PCDHA9: variants seen among roughly 807,000 people sequenced by gnomAD.
The protein encoded by PCDHA9 is protocadherin alpha 9, also known as protocadherin alpha-9.
In PCDHA9, 62 loss-of-function variants were observed where a neutral mutation model predicts 62.0. The observed-to-expected ratio is 1.00, with a 90% CI of 0.81 to 1.23. The LOEUF is 1.23. Among genes scored for constraint, PCDHA9 ranks in the 50% most tolerant of loss-of-function variants. PCDHA9 has a pLI of 0.00. For missense variants in PCDHA9, 1,205 were observed against 1,249.8 expected, an observed-to-expected ratio of 0.96 and a Z score of 0.54; for synonymous variants, 557 against 567.6, an observed-to-expected ratio of 0.98 and a Z score of 0.27.
chr5:140,979,004 A>T lies in PCDHA9; in HGVS notation c.2450A>T (p.His817Leu). ...RYSASLRAGM[H>L]SSVHLEEAGI... Reference sequence around the variant, plus strand: ...TCTGCCTCCCTGAGAGCAGGCATGCACAGGTATGTATTTCCCTCCTCATTC... The same window carrying T: ...TCTGCCTCCCTGAGAGCAGGCATGCTCAGGTATGTATTTCCCTCCTCATTC... Residue 817 changes from histidine (H) to leucine (L), a missense_variant, in exon 2 of 4, where the codon CAC becomes CTC. His to Leu is a moderately conservative substitution (Grantham distance 99). Coordinates refer to ENST00000532602, the MANE Select transcript of PCDHA9 (RefSeq NM_031857.2). The T allele has an allele frequency of 6.2e-7, 1 of 1,614,144 alleles. No homozygotes were observed. Among genetic ancestry groups the T allele is most frequent in the South Asian group, 1.1e-5 (1 of 91,052 alleles).
rs183542590 is a variant in PCDHA9 at position 140,969,555 on chromosome 5, C to T, written c.2395-9394C>T. On this transcript the variant is annotated intron_variant, in intron 1 of 3. Coordinates refer to ENST00000532602, the MANE Select transcript of PCDHA9 (RefSeq NM_031857.2). ...CATTTTCAGAGGCATGAAGCCTTGT[C>T]CATAAAATTGTTTGAGAAGTGAGGA... The T allele has an allele frequency of 1.2e-5, 15 of 1,213,382 alleles. 1 individual carries two copies. The highest frequency in any genetic ancestry group is 1.7e-5 in the South Asian group (1 of 59,354). The allele number at this position is 1,213,382 out of a possible 1,614,324, so 75.2% of individuals were successfully genotyped here. A position where few individuals can be genotyped will look rare whatever the true frequency, so the allele number is the denominator to read the frequency against.
chr5:140,952,121 C>A (rs993598007), intron 1 of PCDHA9, among the ~76,000 whole-genome samples: 1 of 152,102 alleles, frequency 6.6e-6, no homozygotes, highest in Non-Finnish European at 1.5e-5. Context: ...GGGATGGGCT[C>A]CCAAGGCCTT....
At chr5:140,870,371 T>C (rs1419353241) in intron 1 of PCDHA9, 52 of 1,613,894 alleles carry the variant, frequency 3.2e-5, no homozygotes, top group Non-Finnish European at 4.2e-5. Flanking sequence ...TATGAACTGG[T>C]GGTGACTGCG....
At chr5:140,933,833 A>C (rs944428844) in intron 1 of PCDHA9, among the ~76,000 whole-genome samples, 1 of 151,928 alleles carries the variant, frequency 6.6e-6, no homozygotes, top group Non-Finnish European at 1.5e-5. Flanking sequence ...TATTGCTCCT[A>C]TTTCATTCCT....
At chr5:140,981,380 C>T (rs2096929731) in intron 2 of PCDHA9, among the ~76,000 whole-genome samples, 1 of 152,054 alleles carries the variant, frequency 6.6e-6, no homozygotes, top group Non-Finnish European at 1.5e-5. Flanking sequence ...TCAAGACCAG[C>T]CTGGTCAATA....
chr5:140,892,772 C>G (rs1053940130), intron 1 of PCDHA9, among the ~76,000 whole-genome samples: 1 of 152,144 alleles, frequency 6.6e-6, no homozygotes, highest in African/African-American at 2.4e-5. Context: ...ACTCTTCTAG[C>G]TTCTTGAAAA....
chr5:140,983,429 T>G (rs2097050099), intron 3 of PCDHA9, among the ~76,000 whole-genome samples: 1 of 152,214 alleles, frequency 6.6e-6, no homozygotes, highest in South Asian at 2.1e-4. Flanking sequence ...AGACCACAAA[T>G]TGTGTCTACT....
intron 1 of PCDHA9, among the ~76,000 whole-genome samples, chr5:140,918,436 A>T (rs2078697265): frequency 6.6e-6 from 1 of 152,092 alleles, no homozygotes; most frequent in Admixed American, 6.6e-5. Context: ...GTTGAATAGG[A>T]GTGGTGACAG....
chr5:140,902,201 T>C (rs1554190261), intron 1 of PCDHA9, among the ~76,000 whole-genome samples: 1 of 145,052 alleles, frequency 6.9e-6, no homozygotes. Flanking sequence ...CTCTCTCTCT[T>C]TCTTTTTTTT....
chr5:140,882,767 G>T lies in PCDHA9; in HGVS notation c.2394+31878G>T, dbSNP rs1348655523. ...CGATGCAGATATTGGAGTAAACTCG[G>T]CATTGACCTACCGACTGGATCCCAA... On this transcript the variant is annotated intron_variant, in intron 1 of 3. Transcript: ENST00000532602. 1.9e-6 allele frequency: 3 copies of T among 1,614,058 alleles called. No individual in the cohort carries two copies. The South Asian group carries it at 3.3e-5, about 18-fold the overall frequency.
intron 1 of PCDHA9, among the ~76,000 whole-genome samples, chr5:140,886,842 A>AAG (rs2061180057): frequency 6.6e-6 from 1 of 151,638 alleles, no homozygotes; most frequent in African/African-American, 2.4e-5. Context: ...AAAAAAAAAA[A>AAG]AAAAAGAAAG....
intron 1 of PCDHA9, chr5:140,860,992 T>C (rs173699): frequency 1 from 152,392 of 152,392 alleles, 76,196 homozygotes; most frequent in Non-Finnish European, 1. Context: ...CGGCCTCGGC[T>C]TCCCAAAGTG....
At chr5:140,874,496 T>A (rs1352627184) in intron 1 of PCDHA9, among the ~76,000 whole-genome samples, 1 of 152,214 alleles carries the variant, frequency 6.6e-6, no homozygotes, top group Non-Finnish European at 1.5e-5. Context: ...TGATATCAAG[T>A]TCACATTCTC....
rs782133089 is a variant in PCDHA9, at chr5:140,924,894, C to CAAAAA, written c.2395-54048_2395-54044dup. Among the ~76,000 whole-genome samples, 201 of 71,494 alleles carry CAAAAA rather than the reference C, an allele frequency of 2.8e-3. 5 individuals are homozygous for CAAAAA. In the East Asian group the frequency reaches 0.084, roughly 30 times the overall value. The allele number at this position is 71,494 out of a possible 152,430, so 46.9% of individuals were successfully genotyped here. On this transcript the variant is annotated intron_variant, in intron 1 of 3. Coordinates refer to ENST00000532602, the MANE Select transcript of PCDHA9 (RefSeq NM_031857.2). ...TGGGTGACAGAGCAAGAACCTGTCT[C>CAAAAA]AAAAAAAAAAATAAAATAAAATAAA...
chr5:140,875,419 G>A (rs782346114), intron 1 of PCDHA9: 51 of 1,516,154 alleles, frequency 3.4e-5, no homozygotes, highest in Admixed American at 4.8e-5. Context: ...AATACCTCAG[G>A]CAAGCGATCC....
chr5:140,989,235 T>G (rs1408596966), intron 3 of PCDHA9, among the ~76,000 whole-genome samples: 1 of 152,204 alleles, frequency 6.6e-6, no homozygotes, highest in Non-Finnish European at 1.5e-5. Context: ...AGCTGAAGTT[T>G]TAAGCCCCTT....
chr5:140,893,528 G>C (rs541953324), intron 1 of PCDHA9, among the ~76,000 whole-genome samples: 2 of 152,254 alleles, frequency 1.3e-5, no homozygotes, highest in Admixed American at 6.5e-5. Context: ...ACTCCTTTAA[G>C]TATTTCTTGT....
At chr5:140,863,261 A>G (rs782771328) in intron 1 of PCDHA9, 17 of 1,449,886 alleles carry the variant, frequency 1.2e-5, no homozygotes, top group Non-Finnish European at 1.4e-5. Context: ...GAGGTCCGGG[A>G]GGCAGCGCTG....
At chr5:140,955,008 C>T (rs1393836611) in intron 1 of PCDHA9, among the ~76,000 whole-genome samples, 2 of 152,142 alleles carry the variant, frequency 1.3e-5, no homozygotes, top group Non-Finnish European at 2.9e-5. Flanking sequence ...CCAATTCTCC[C>T]AGCACCATTT....
Sources: allele counts gnomAD v4.1 joint callset (sites outside exome capture counted in the v4.1 genomes callset), GRCh38; gene constraint gnomAD v4.1.1; transcripts MANE v1.5; gene names NCBI Gene and HGNC (gene_info 2026-07-23, HGNC 2026-07-21).